The following EYA2 variants were observed in gnomAD, a reference collection of about 807,000 sequenced individuals.
EYA2 encodes protein phosphatase EYA2.
A neutral mutation model predicts 69.2 loss-of-function variants in EYA2; 31 were observed. The observed-to-expected ratio is 0.45, with a 90% CI of 0.34 to 0.60. The LOEUF (loss-of-function observed/expected upper bound fraction) is 0.60. Ranked by LOEUF, EYA2 falls within the 20% of genes least tolerant of loss-of-function variation. EYA2 has a pLI of 0.02. For missense variants in EYA2, 622 were observed against 701.2 expected (o/e 0.89, Z 1.28); for synonymous variants, 257 against 279.4 (o/e 0.92, Z 0.80).
chr20:47,125,644 T>G (rs773592638), intron 9 of EYA2, among the ~76,000 whole-genome samples: 15 of 152,222 alleles, frequency 9.9e-5, no homozygotes, highest in Non-Finnish European at 1.9e-4. Flanking sequence ...GGAGGAGATT[T>G]AACTGGCAAA....
chr20:47,131,336 C>A (rs1041965080), intron 9 of EYA2, among the ~76,000 whole-genome samples: 2 of 152,178 alleles, frequency 1.3e-5, no homozygotes, highest in Non-Finnish European at 1.5e-5. Context: ...ATGCTTCCCC[C>A]ACAAATTTCC....
At chr20:47,163,651 C>T (rs139465489) in intron 10 of EYA2, among the ~76,000 whole-genome samples, 2,691 of 136,754 alleles carry the variant, frequency 0.02, 87 homozygotes, top group African/African-American at 0.069. Flanking sequence ...TGAGCCGAGA[C>T]TGCACCATTA....
chr20:46,941,324 A>G (rs1229220885), intron 1 of EYA2, among the ~76,000 whole-genome samples: 5 of 152,218 alleles, frequency 3.3e-5, no homozygotes, highest in African/African-American at 1.2e-4. Context: ...CTCAAGGTCT[A>G]GGAGGGTGTT....
rs1568707249 is a variant in EYA2, at chr20:46,987,999, G to GATATATAT, written c.-10-2002_-10-2001insATATATAT. On this transcript the variant is annotated intron_variant, in intron 1 of 15. Transcript: ENST00000327619. ...ATATATATATATATATATATATATG[G>GATATATAT]GGCAAAAAAAAAATACAGAATAAAA... 6.6e-3 allele frequency among the ~76,000 whole-genome samples: 244 copies of GATATATAT among 37,068 alleles called. 12 individuals are homozygous for GATATATAT. The highest frequency in any genetic ancestry group is 8.1e-3 in the African/African-American group (68 of 8,390). 24.3% of individuals were successfully genotyped at this position (37,068 alleles called of 152,430 possible).
At chr20:46,947,736 G>T (rs560665335) in intron 1 of EYA2, among the ~76,000 whole-genome samples, 10 of 152,288 alleles carry the variant, frequency 6.6e-5, no homozygotes, top group African/African-American at 2.2e-4. Context: ...CAGCTCACAT[G>T]ACCATAACTT....
intron 9 of EYA2, among the ~76,000 whole-genome samples, chr20:47,110,059 G>A (rs1247916920): frequency 6.6e-6 from 1 of 152,038 alleles, no homozygotes; most frequent in Non-Finnish European, 1.5e-5. Context: ...CAACCTTTAT[G>A]GACTGCTCTG....
intron 10 of EYA2, among the ~76,000 whole-genome samples, chr20:47,144,269 T>C (rs919118851): frequency 6.7e-6 from 1 of 148,584 alleles, no homozygotes; most frequent in Non-Finnish European, 1.5e-5. Flanking sequence ...GGCAGGAGAG[T>C]AGCGTGAACC....
At chr20:47,133,593 A>G (rs550460873) in intron 9 of EYA2, among the ~76,000 whole-genome samples, 1 of 152,310 alleles carries the variant, frequency 6.6e-6, no homozygotes, top group African/African-American at 2.4e-5. Context: ...CACAAGGCTC[A>G]GAGAAGCTGT....
chr20:47,111,807 A>G (rs1431116891), intron 9 of EYA2, among the ~76,000 whole-genome samples: 1 of 152,216 alleles, frequency 6.6e-6, no homozygotes, highest in Admixed American at 6.5e-5. Context: ...AAGGACATTG[A>G]GTCATCAAGG....
At chr20:46,991,964 G>A (rs1258270257) in intron 2 of EYA2, among the ~76,000 whole-genome samples, 8 of 17,068 alleles carry the variant, frequency 4.7e-4, no homozygotes, top group Non-Finnish European at 1.1e-3. Flanking sequence ...GTGAGACTCC[G>A]TCTCAAAAAA....
At chr20:47,151,106 T>C (rs6018306) in intron 10 of EYA2, among the ~76,000 whole-genome samples, 91,155 of 151,872 alleles carry the variant, frequency 0.6, 28,640 homozygotes, top group African/African-American at 0.78. Context: ...CACAGTTGTT[T>C]GCGCCTGTAA....
intron 9 of EYA2, among the ~76,000 whole-genome samples, chr20:47,102,985 G>A (rs893104659): frequency 3.3e-5 from 5 of 152,170 alleles, no homozygotes; most frequent in African/African-American, 1.2e-4. Flanking sequence ...TTCCTCCAGG[G>A]ATTCATGGGG....
At chr20:46,901,725 T>C (rs1459829463) in intron 1 of EYA2, 1 of 152,244 alleles carries the variant, frequency 6.6e-6, no homozygotes, top group Non-Finnish European at 1.5e-5. Flanking sequence ...CCGAGGAGAA[T>C]CGTGCACCTT....
intron 1 of EYA2, among the ~76,000 whole-genome samples, chr20:46,917,802 A>G (rs1984982292): frequency 6.6e-6 from 1 of 152,192 alleles, no homozygotes; most frequent in Non-Finnish European, 1.5e-5. Flanking sequence ...AGCGAGTTGT[A>G]GTCTTTTTGC....
chr20:46,987,185 T>A (rs1337451622), intron 1 of EYA2, among the ~76,000 whole-genome samples: 6 of 152,190 alleles, frequency 3.9e-5, no homozygotes, highest in Non-Finnish European at 5.9e-5. Flanking sequence ...CTACTCCGCT[T>A]AACACTGTGG....
chr20:47,072,475 A>G (rs182167214), intron 6 of EYA2, among the ~76,000 whole-genome samples: 25 of 152,314 alleles, frequency 1.6e-4, no homozygotes, highest in East Asian at 1.5e-3. Context: ...CTGAGATGTC[A>G]TGGAGATCTA....
intron 5 of EYA2, among the ~76,000 whole-genome samples, chr20:47,050,850 G>A (rs537231213): frequency 3.9e-5 from 6 of 152,336 alleles, no homozygotes; most frequent in East Asian, 3.9e-4. Flanking sequence ...GAGAGAAAGC[G>A]TAGCGCTCCA....
At chr20:47,016,434 G>C in intron 5 of EYA2, 137 bp downstream of exon 5, 1 of 666,242 alleles carries the variant, frequency 1.5e-6, no homozygotes, top group East Asian at 2.7e-5. Flanking sequence ...GGAGAAAATA[G>C]ATACGAGATC....
intron 1 of EYA2, among the ~76,000 whole-genome samples, chr20:46,911,911 C>G (rs1040726321): frequency 2.2e-4 from 34 of 152,032 alleles, no homozygotes; most frequent in African/African-American, 8.2e-4. Context: ...TGTTCTATAT[C>G]AAAATAGCTG....
Sources: gnomAD v4.1 joint callset for allele counts (sites outside exome capture counted in the v4.1 genomes callset) on GRCh38, gnomAD v4.1.1 for gene constraint, MANE v1.5 for transcripts, NCBI Gene and HGNC (gene_info 2026-07-23, HGNC 2026-07-21) for gene names.